PLSCR2: variants seen among roughly 807,000 people sequenced by gnomAD.
The protein encoded by PLSCR2 is PL scramblase 2.
Under a neutral mutation model 25.3 loss-of-function variants are expected in PLSCR2, and 18 were observed. The observed-to-expected ratio is 0.71, with a 90% CI of 0.49 to 1.06. The LOEUF is 1.06. Ranked by LOEUF, PLSCR2 falls within the 50% of genes least tolerant of loss-of-function variation. The pLI, the probability that PLSCR2 is intolerant of heterozygous loss-of-function variation, is 0.00. For missense variants in PLSCR2, 243 were observed against 269.5 expected (o/e 0.90, Z 0.69); for synonymous variants, 88 against 87.3 (o/e 1.01, Z -0.04).
intron 1 of PLSCR2, among the ~76,000 whole-genome samples, chr3:146,491,700 T>C (rs528329207): frequency 2.2e-4 from 34 of 152,338 alleles, no homozygotes; most frequent in South Asian, 1.4e-3. Context: ...TTCCAGAAGC[T>C]ATTTTGGTGC....
intron 1 of PLSCR2, among the ~76,000 whole-genome samples, chr3:146,486,669 C>A (rs1170697905): frequency 6.6e-6 from 1 of 151,634 alleles, no homozygotes; most frequent in Non-Finnish European, 1.5e-5. Flanking sequence ...ACTATAGGGG[C>A]AGTAATAAAT....
intron 6 of PLSCR2, among the ~76,000 whole-genome samples, chr3:146,447,933 C>A (rs1608392): frequency 0.57 from 87,008 of 151,880 alleles, 25,396 homozygotes; most frequent in South Asian, 0.75. Context: ...GAGTGCCATG[C>A]CACTTGTTAC....
chr3:146,477,172 C>A (rs1053637164), intron 1 of PLSCR2, among the ~76,000 whole-genome samples: 3 of 152,182 alleles, frequency 2.0e-5, no homozygotes, highest in Admixed American at 6.5e-5. Context: ...GTGATCGATG[C>A]AGAAGATGGG....
At chr3:146,403,179 T>C (rs1309793805) in intron 2 of PLSCR2, among the ~76,000 whole-genome samples, 1 of 151,918 alleles carries the variant, frequency 6.6e-6, no homozygotes, top group Non-Finnish European at 1.5e-5. Flanking sequence ...CACTCCTAAC[T>C]ACATGCTCTA....
chr3:146,475,754 ATTT>A (rs2042264757), intron 1 of PLSCR2, among the ~76,000 whole-genome samples: 1 of 152,064 alleles, frequency 6.6e-6, no homozygotes, highest in African/African-American at 2.4e-5. Flanking sequence ...TGGGGACACT[ATTT>A]CAAAGATCCA....
At position 146,456,032 on chromosome 3, in the gene PLSCR2, C is replaced by T. The variant is rs145507959; in HGVS notation, c.101-573G>A. 3.2e-3 allele frequency among the ~76,000 whole-genome samples: 483 copies of T among 152,130 alleles called. 2 individuals carry two copies. The highest frequency in any genetic ancestry group is 0.011 in the African/African-American group (463 of 41,494). On this transcript the variant is annotated intron_variant, in intron 3 of 6. Coordinates refer to ENST00000610787, the Ensembl canonical transcript of PLSCR2. ...AAGATCACATCGGACTCAGGGCACC[C>T]TTATTTAGCTCAGCAGTAATTTGAA...
At chr3:146,437,171 G>T (rs946175117), downstream of PLSCR2, among the ~76,000 whole-genome samples, 1 of 151,916 alleles carries the variant, frequency 6.6e-6, no homozygotes, top group Admixed American at 6.6e-5. Flanking sequence ...TGCTGGATTT[G>T]GTTTGCCAGT....
At chr3:146,454,567 G>A (rs1006712472) in intron 4 of PLSCR2, among the ~76,000 whole-genome samples, 1 of 152,088 alleles carries the variant, frequency 6.6e-6, no homozygotes, top group Non-Finnish European at 1.5e-5. Context: ...GGCAGATATG[G>A]TGTTGCGCCA....
At chr3:146,427,461 T>C (rs1219171092) in intron 2 of PLSCR2, among the ~76,000 whole-genome samples, 2 of 152,254 alleles carry the variant, frequency 1.3e-5, no homozygotes, top group East Asian at 3.9e-4. Context: ...ATAAGATGGG[T>C]GAACTTCTTA....
chr3:146,438,505 AT>A (rs2040027643), downstream of PLSCR2, among the ~76,000 whole-genome samples: 1 of 152,186 alleles, frequency 6.6e-6, no homozygotes, highest in Admixed American at 6.5e-5. Context: ...TTCTTGTTGA[AT>A]GGATCCCTTT....
At chr3:146,478,938 T>G (rs538130999) in intron 1 of PLSCR2, among the ~76,000 whole-genome samples, 1 of 152,322 alleles carries the variant, frequency 6.6e-6, no homozygotes, top group East Asian at 1.9e-4. Flanking sequence ...GGGGCCGATA[T>G]TCAACATTCT....
intron 2 of PLSCR2, among the ~76,000 whole-genome samples, chr3:146,420,664 A>G (rs2039117859): frequency 6.6e-6 from 1 of 152,106 alleles, no homozygotes; most frequent in Non-Finnish European, 1.5e-5. Flanking sequence ...TGAACATGAA[A>G]TACAAACAAT....
chr3:146,408,447 A>G (rs950698295), intron 2 of PLSCR2, among the ~76,000 whole-genome samples: 7 of 152,060 alleles, frequency 4.6e-5, no homozygotes, highest in African/African-American at 1.7e-4. Flanking sequence ...GATAGCCACC[A>G]TTTAGATTTT....
At chr3:146,481,138 C>A (rs184792950) in intron 1 of PLSCR2, among the ~76,000 whole-genome samples, 30 of 152,242 alleles carry the variant, frequency 2.0e-4, no homozygotes, top group African/African-American at 7.0e-4. Flanking sequence ...ACTGAATGGG[C>A]AAAAACTGGG....
At position 146,486,579 on chromosome 3, in the gene PLSCR2, A is replaced by C. The variant is rs1275259454; in HGVS notation, c.-293+9316T>G. On this transcript the variant is annotated intron_variant, in intron 1 of 8. Coordinates refer to the PLSCR2 transcript ENST00000336685. Reference sequence around the variant, plus strand: ...AAACTAGAAAATATAGAAGAAATGGATAAATTCCTGGACATATACACCATC... The same window carrying C: ...AAACTAGAAAATATAGAAGAAATGGCTAAATTCCTGGACATATACACCATC... 4.6e-5 allele frequency among the ~76,000 whole-genome samples: 7 copies of C among 152,256 alleles called. 1 individual carries two copies. The South Asian group carries it at 1.4e-3, about 32-fold the overall frequency.
chr3:146,488,574 AG>A (rs1256436799), intron 1 of PLSCR2, among the ~76,000 whole-genome samples: 2 of 152,194 alleles, frequency 1.3e-5, no homozygotes, highest in African/African-American at 4.8e-5. Context: ...CATGAAAAAA[AG>A]CTCAACATCA....
At chr3:146,480,086 C>A (rs188098129) in intron 1 of PLSCR2, among the ~76,000 whole-genome samples, 6 of 151,904 alleles carry the variant, frequency 3.9e-5, no homozygotes, top group Middle Eastern at 3.2e-3. Flanking sequence ...CATTCAAAGC[C>A]GTATGTAGAG....
downstream of PLSCR2, among the ~76,000 whole-genome samples, chr3:146,438,307 G>C (rs1256611580): frequency 6.6e-6 from 1 of 152,178 alleles, no homozygotes; most frequent in African/African-American, 2.4e-5. Context: ...GTGCAGAGCT[G>C]AGTTCAATTC....
intron 2 of PLSCR2, among the ~76,000 whole-genome samples, chr3:146,398,144 G>A (rs1379675220): frequency 6.6e-6 from 1 of 151,830 alleles, no homozygotes; most frequent in Non-Finnish European, 1.5e-5. Flanking sequence ...CTTCAGGTTT[G>A]AATAAATATA....
Sources: allele counts gnomAD v4.1 joint callset (sites outside exome capture counted in the v4.1 genomes callset), GRCh38; gene constraint gnomAD v4.1.1; transcripts MANE v1.5; gene names NCBI Gene and HGNC (gene_info 2026-07-23, HGNC 2026-07-21).